The following TBL1X variants were observed in gnomAD, a reference collection of about 807,000 sequenced individuals.
The protein encoded by TBL1X is transducin beta like 1 X-linked.
In TBL1X, 10 loss-of-function variants were observed where a neutral mutation model predicts 50.7. That is an observed-to-expected ratio of 0.20 (90% CI 0.12 to 0.33). The LOEUF is 0.33. TBL1X is among the 10% of genes least tolerant of loss of function. The pLI is 1.00. For synonymous variants in TBL1X, 190 were observed against 214.7 expected (o/e 0.88, Z 1.01); for missense variants, 340 against 504.4 (o/e 0.67, Z 3.12).
chrX:9,479,446 A>AAAAAT (rs199734409), intron 1 of TBL1X, among the ~76,000 whole-genome samples: 4,134 of 112,203 alleles, frequency 0.037, 222 homozygotes, highest in African/African-American at 0.13. Context: ...ACTCTGTCTC[A>AAAAAT]AAAATAAAAT....
At chrX:9,518,738 C>T (rs2146964268) in intron 2 of TBL1X, among the ~76,000 whole-genome samples, 1 of 110,850 alleles carries the variant, frequency 9.0e-6, no homozygotes, top group South Asian at 3.9e-4. Flanking sequence ...TCCTCAGTCA[C>T]CCAGAAATTG....
At chrX:9,495,266 G>A (rs2081965823) in intron 1 of TBL1X, among the ~76,000 whole-genome samples, 1 of 111,804 alleles carries the variant, frequency 8.9e-6, no homozygotes, top group African/African-American at 3.3e-5. Flanking sequence ...CCCTGATTTA[G>A]TAGAGAAGAG....
At chrX:9,715,310 T>G (rs1421415198) in intron 17 of TBL1X, among the ~76,000 whole-genome samples, 1 of 112,427 alleles carries the variant, frequency 8.9e-6, no homozygotes, top group Non-Finnish European at 1.9e-5. Context: ...TACAGTCATG[T>G]GTCGCTTAAT....
chrX:9,675,208 T>A (rs1426903493), intron 5 of TBL1X, among the ~76,000 whole-genome samples: 1 of 111,599 alleles, frequency 9.0e-6, no homozygotes, highest in African/African-American at 3.3e-5. Context: ...AACCAGAAGT[T>A]TTTAGGCAAA....
chrX:9,706,253 T>TTC lies in TBL1X; in HGVS notation c.1236+1140_1236+1141insCT, dbSNP rs112507311. ...TTAGAGAGCATAGAAATTGGCCAAT[T>TTC]TGAAGAACAGATAAAAGATCGAAAA... is the stretch of plus-strand genomic sequence containing the variant. On this transcript the variant is annotated intron_variant, in intron 13 of 17. Transcript: ENST00000645353. Among the ~76,000 whole-genome samples the TTC allele has an allele frequency of 5.0e-3, 552 of 110,874 alleles. 5 individuals are homozygous for TTC. Among genetic ancestry groups the TTC allele is most frequent in the African/African-American group, 0.017 (524 of 30,500 alleles).
intron 15 of TBL1X, among the ~76,000 whole-genome samples, chrX:9,710,180 G>A (rs1484451828): frequency 1.0e-5 from 1 of 98,282 alleles, no homozygotes; most frequent in Non-Finnish European, 2.0e-5. Context: ...TCACACCACT[G>A]CACTCCAGCC....
At chrX:9,576,342 A>G (rs1035306111) in intron 2 of TBL1X, among the ~76,000 whole-genome samples, 68 of 112,494 alleles carry the variant, frequency 6.0e-4, no homozygotes, top group African/African-American at 2.1e-3. Context: ...GAACGGGTTT[A>G]TGGATGAACC....
chrX:9,481,011 T>C (rs2081879425), intron 1 of TBL1X, among the ~76,000 whole-genome samples: 1 of 111,844 alleles, frequency 8.9e-6, no homozygotes, highest in Admixed American at 9.5e-5. Context: ...ATTATGATTG[T>C]TAAGTTATTG....
At chrX:9,613,437 G>A (rs1193845047) in intron 2 of TBL1X, among the ~76,000 whole-genome samples, 1 of 111,580 alleles carries the variant, frequency 9.0e-6, no homozygotes, top group Non-Finnish European at 1.9e-5. Flanking sequence ...TTACTGGAAT[G>A]TTGGGAACCA....
intron 2 of TBL1X, among the ~76,000 whole-genome samples, chrX:9,639,053 A>AT (rs1447240529): frequency 1.8e-5 from 2 of 111,432 alleles, no homozygotes; most frequent in African/African-American, 6.5e-5. Flanking sequence ...TCAGTGGTAG[A>AT]TTTTTTACAA....
At chrX:9,711,575 G>T in intron 15 of TBL1X, 36 bp from the exon 16 acceptor site, 1 of 1,139,332 alleles carries the variant, frequency 8.8e-7, no homozygotes, top group Non-Finnish European at 1.2e-6. Context: ...AAACCACCGT[G>T]TGTATGTGAT....
At chrX:9,660,398 G>A (rs1010903569) in intron 5 of TBL1X, among the ~76,000 whole-genome samples, 6 of 112,176 alleles carry the variant, frequency 5.3e-5, no homozygotes, top group African/African-American at 1.3e-4. Context: ...TGTCCATGAC[G>A]GCAGTAATTT....
intron 5 of TBL1X, among the ~76,000 whole-genome samples, chrX:9,682,523 G>T (rs1457323628): frequency 1.8e-5 from 2 of 112,227 alleles, no homozygotes; most frequent in African/African-American, 6.5e-5. Flanking sequence ...TTGAGGAGGA[G>T]GGAGAGTAGA....
chrX:9,679,941 T>C (rs1383316556), intron 5 of TBL1X, among the ~76,000 whole-genome samples: 1 of 111,993 alleles, frequency 8.9e-6, no homozygotes, highest in Non-Finnish European at 1.9e-5. Context: ...CACCTTAGAC[T>C]GGGTAATTTA....
At chrX:9,487,696 A>T (rs745724748) in intron 1 of TBL1X, among the ~76,000 whole-genome samples, 17 of 112,046 alleles carry the variant, frequency 1.5e-4, no homozygotes, top group Non-Finnish European at 3.2e-4. Flanking sequence ...AGTTCCTCCA[A>T]ATTTCTCCCA....
rs111700751 is a variant in TBL1X at position 9,705,422 on chromosome X, C to T, written c.1236+308C>T. ...AGGATGCTCACAATAAATGAATAGACGGGGCACATCTGCAGTGAATAGAAA... is the reference window on the plus strand; with the variant it reads ...AGGATGCTCACAATAAATGAATAGATGGGGCACATCTGCAGTGAATAGAAA... On this transcript the variant is annotated intron_variant, in intron 13 of 17. Coordinates refer to ENST00000645353, the MANE Select transcript of TBL1X (RefSeq NM_005647.4). Among the ~76,000 whole-genome samples the T allele has an allele frequency of 4.4e-3, 485 of 110,678 alleles. 3 individuals carry two copies. The highest frequency in any genetic ancestry group is 0.015 in the African/African-American group (459 of 30,460).
At chrX:9,541,465 G>A (rs2082214361) in intron 2 of TBL1X, among the ~76,000 whole-genome samples, 1 of 112,386 alleles carries the variant, frequency 8.9e-6, no homozygotes, top group South Asian at 3.6e-4. Flanking sequence ...AACTGATGGA[G>A]GGCAAGGAGG....
intron 2 of TBL1X, among the ~76,000 whole-genome samples, chrX:9,542,248 C>G (rs1000768923): frequency 4.5e-5 from 5 of 111,526 alleles, no homozygotes; most frequent in African/African-American, 6.5e-5. Context: ...TCCTTTCCAA[C>G]TGTGCTTCTC....
rs1187529259 is a variant in TBL1X at position 9,555,380 on chromosome X, G to GT, written c.-131+53537dup. Among the ~76,000 whole-genome samples, 7 of 111,596 alleles carry GT rather than the reference G, an allele frequency of 6.3e-5. No homozygotes were observed. In the South Asian group the frequency reaches 1.1e-3, roughly 18 times the overall value. ...AAGTTTAAACCACCACACCTGGCCT[G>GT]TTTTTTATTGTTAGATAATATTCCA... On this transcript the variant is annotated intron_variant, in intron 2 of 17. Transcript: ENST00000645353.
Sources: allele counts gnomAD v4.1 joint callset (sites outside exome capture counted in the v4.1 genomes callset), GRCh38; gene constraint gnomAD v4.1.1; transcripts MANE v1.5; gene names NCBI Gene and HGNC (gene_info 2026-07-23, HGNC 2026-07-21).